Variants in RGS7 observed in about 807,000 individuals in gnomAD.
RGS7 encodes the protein regulator of G protein signaling 7.
In RGS7, 27 loss-of-function variants were observed where a neutral mutation model predicts 81.1. The ratio of observed to expected loss-of-function variants is 0.33; its 90% CI spans 0.25 to 0.46. RGS7 has a LOEUF of 0.46. Ranked by LOEUF, RGS7 falls within the 20% of genes least tolerant of loss-of-function variation. The pLI is 1.00. For missense variants in RGS7, 396 were observed against 607.4 expected, an observed-to-expected ratio of 0.65 and a Z score of 3.66; for synonymous variants, 208 against 207.7, an observed-to-expected ratio of 1.00 and a Z score of -0.01.
intron 2 of RGS7, among the ~76,000 whole-genome samples, chr1:241,196,311 T>G (rs892892616): frequency 6.6e-6 from 1 of 151,884 alleles, no homozygotes; most frequent in Non-Finnish European, 1.5e-5. Flanking sequence ...AAGAACTGAA[T>G]GCACCAGCAG....
intron 2 of RGS7, among the ~76,000 whole-genome samples, chr1:241,138,705 T>C (rs2067704292): frequency 6.6e-6 from 1 of 152,264 alleles, no homozygotes; most frequent in South Asian, 2.1e-4. Flanking sequence ...CCTTTCCATT[T>C]ATGATTAGAA....
intron 2 of RGS7, among the ~76,000 whole-genome samples, chr1:241,267,626 C>A (rs555355588): frequency 5.3e-5 from 8 of 152,200 alleles, no homozygotes; most frequent in African/African-American, 1.9e-4. Flanking sequence ...TGATCACATG[C>A]TAGAGCCCCC....
In RGS7 at chr1:240,999,052, T is replaced by C. The variant is rs191228080; in HGVS notation, c.176-15923A>G. On this transcript the variant is annotated intron_variant, in intron 3 of 18. Coordinates refer to ENST00000440928, the MANE Select transcript of RGS7 (RefSeq NM_001364886.1). ...GTAATTTCTGTTGTTCTGTCTTCTA[T>C]TTCACTGACTTAGTGGTTTCTTCCA... Among the ~76,000 whole-genome samples the C allele has an allele frequency of 1.3e-3, 196 of 152,278 alleles. 1 individual carries two copies. The highest frequency in any genetic ancestry group is 3.7e-3 in the South Asian group (18 of 4,824).
intron 2 of RGS7, among the ~76,000 whole-genome samples, chr1:241,162,322 C>T (rs562379183): frequency 3.3e-5 from 5 of 151,238 alleles, no homozygotes; most frequent in South Asian, 2.1e-4. Flanking sequence ...CCTCCAGGAA[C>T]GCTCTGCTGG....
At chr1:240,936,149 T>A (rs1354175282) in intron 5 of RGS7, among the ~76,000 whole-genome samples, 2 of 152,218 alleles carry the variant, frequency 1.3e-5, no homozygotes, top group African/African-American at 4.8e-5. Flanking sequence ...TATATCATCA[T>A]GTCAGTCTTT....
Position 240,815,370 on chromosome 1 carries a change from T to C in RGS7, c.784-593A>G, listed in dbSNP as rs532557013. ...AAAATAAAAAATAAAATTGTAGAGA[T>C]TTTAAACGTTCATTCATGGTGAATA... On this transcript the variant is annotated intron_variant, in intron 11 of 18. Coordinates refer to ENST00000440928, the MANE Select transcript of RGS7 (RefSeq NM_001364886.1). Among the ~76,000 whole-genome samples, 105 of 152,098 alleles carry C rather than the reference T, an allele frequency of 6.9e-4. 1 individual carries two copies. The highest frequency in any genetic ancestry group is 2.5e-3 in the African/African-American group (104 of 41,504).
At position 241,124,499 on chromosome 1, in the gene RGS7, T is replaced by A. The variant is rs542449633; in HGVS notation, c.79-25737A>T. On this transcript the variant is annotated intron_variant, in intron 2 of 18. Transcript: ENST00000440928. ...TGGTCAACAGATGGAAGAGTGGTTT[T>A]GAGGATAGCCCTATTCCCTCTTAAG... is the stretch of plus-strand genomic sequence containing the variant. Among the ~76,000 whole-genome samples the A allele has an allele frequency of 3.9e-5, 6 of 152,366 alleles. No individual in the cohort carries two copies. The South Asian group carries it at 1.2e-3, about 32-fold the overall frequency.
At chr1:240,930,910 G>T (rs571114958) in intron 5 of RGS7, 142 bp from the exon 6 acceptor site, 220 of 870,240 alleles carry the variant, frequency 2.5e-4, no homozygotes, top group Non-Finnish European at 3.7e-4. Flanking sequence ...TTCCAAGAGA[G>T]ACATTGAAAA....
chr1:240,807,896 G>A (rs1689147843), intron 14 of RGS7, among the ~76,000 whole-genome samples: 1 of 152,002 alleles, frequency 6.6e-6, no homozygotes, highest in African/African-American at 2.4e-5. Flanking sequence ...TTAGCTGGGT[G>A]TGGTGGCGAA....
At chr1:240,880,964 G>A (rs758096817) in intron 6 of RGS7, among the ~76,000 whole-genome samples, 4 of 152,190 alleles carry the variant, frequency 2.6e-5, no homozygotes, top group African/African-American at 4.8e-5. Flanking sequence ...AAAGTATGGT[G>A]TATTAGCCAA....
At chr1:240,913,262 T>C (rs1036359683) in intron 6 of RGS7, among the ~76,000 whole-genome samples, 5 of 152,264 alleles carry the variant, frequency 3.3e-5, no homozygotes, top group African/African-American at 9.6e-5. Flanking sequence ...TAAGTATGCA[T>C]ACAGTACATT....
intron 3 of RGS7, among the ~76,000 whole-genome samples, chr1:240,992,003 C>T (rs1336979364): frequency 1.3e-5 from 2 of 152,166 alleles, no homozygotes; most frequent in African/African-American, 4.8e-5. Flanking sequence ...TGGATAGGCA[C>T]AGACCTCATC....
At chr1:240,912,023 G>A (rs1235291071) in intron 6 of RGS7, among the ~76,000 whole-genome samples, 1 of 150,938 alleles carries the variant, frequency 6.6e-6, no homozygotes, top group African/African-American at 2.4e-5. Flanking sequence ...AAGTGGCAGG[G>A]GCCTGTAGTT....
At chr1:241,104,476 G>T (rs1304942416) in intron 2 of RGS7, among the ~76,000 whole-genome samples, 1 of 151,990 alleles carries the variant, frequency 6.6e-6, no homozygotes. Flanking sequence ...TGTAAGCTAT[G>T]AAAAAAATCA....
intron 2 of RGS7, among the ~76,000 whole-genome samples, chr1:241,169,833 T>C (rs1390063618): frequency 4.6e-5 from 7 of 152,204 alleles, no homozygotes; most frequent in African/African-American, 1.2e-4. Context: ...TTTCTTCCTA[T>C]GTATGTTCGT....
chr1:241,234,361 C>A (rs934791636), intron 2 of RGS7, among the ~76,000 whole-genome samples: 1 of 152,198 alleles, frequency 6.6e-6, no homozygotes, highest in Non-Finnish European at 1.5e-5. Context: ...TTTCTGGCCC[C>A]GCTTGCCATT....
At chr1:240,864,180 C>G (rs1250609057) in intron 9 of RGS7, among the ~76,000 whole-genome samples, 1 of 152,084 alleles carries the variant, frequency 6.6e-6, no homozygotes, top group African/African-American at 2.4e-5. Context: ...GTGTTTTAGT[C>G]CACTCTTTAT....
chr1:241,267,013 C>T (rs1408863303), intron 2 of RGS7, among the ~76,000 whole-genome samples: 1 of 152,188 alleles, frequency 6.6e-6, no homozygotes, highest in East Asian at 1.9e-4. Flanking sequence ...CAGTGCTTTA[C>T]TAGTCCTACA....
chr1:241,128,154 T>G (rs867130708), intron 2 of RGS7, among the ~76,000 whole-genome samples: 5 of 151,718 alleles, frequency 3.3e-5, no homozygotes, highest in Middle Eastern at 3.4e-3. Flanking sequence ...GCGGGCGCCT[T>G]TAGTCCCAGC....
Sources: allele counts gnomAD v4.1 joint callset (sites outside exome capture counted in the v4.1 genomes callset), GRCh38; gene constraint gnomAD v4.1.1; transcripts MANE v1.5; gene names NCBI Gene and HGNC (gene_info 2026-07-23, HGNC 2026-07-21).